Variants in TRPM4 observed in about 807,000 individuals in gnomAD.
TRPM4 encodes transient receptor potential cation channel subfamily M member 4.
A neutral mutation model predicts 135.6 loss-of-function variants in TRPM4; 124 were observed. That is an observed-to-expected ratio of 0.91 (90% CI 0.79 to 1.06). TRPM4 has a LOEUF of 1.06. Ranked by LOEUF, TRPM4 falls within the 50% of genes least tolerant of loss-of-function variation. The pLI is 0.00. For missense variants in TRPM4, 1,658 were observed against 1,671.4 expected, an observed-to-expected ratio of 0.99 and a Z score of 0.14; for synonymous variants, 745 against 705.6, an observed-to-expected ratio of 1.06 and a Z score of -0.88.
chr19:49,202,299 A>G (rs910912434), intron 20 of TRPM4, among the ~76,000 whole-genome samples, 158 bp downstream of exon 20: 4 of 152,138 alleles, frequency 2.6e-5, no homozygotes, highest in South Asian at 4.2e-4. Context: ...CCTGCTTGTA[A>G]TTTGGACTTT....
intron 4 of TRPM4, 74 bp downstream of exon 4, chr19:49,168,171 C>G: frequency 6.3e-7 from 1 of 1,586,706 alleles, no homozygotes. Flanking sequence ...TGTGGGTGGC[C>G]TCCCCCGCCG....
Position 49,171,951 on chromosome 19 carries a change from G to GC in TRPM4, c.1051-55dup. 1 of 1,466,200 alleles carries GC rather than the reference G, an allele frequency of 6.8e-7. No individual in the cohort carries two copies. Among genetic ancestry groups the GC allele is most frequent in the Non-Finnish European group, 9.6e-7 (1 of 1,045,582 alleles). 90.8% of individuals were successfully genotyped at this position (1,466,200 alleles called of 1,614,324 possible). ...GGCCTCCTCCATCCCTTTGGACAGG[G>GC]CCCAACAGGAGTTGGGGATGGAGGC... On this transcript the variant is annotated intron_variant, in intron 8 of 24. Transcript: ENST00000252826. This position sits in a 1 kb window ranked among gnomAD's most constrained non-coding sequence, Gnocchi z 4.7.
At chr19:49,197,308 T>TTCTCTTTCTTTC (rs1161813900) in intron 17 of TRPM4, among the ~76,000 whole-genome samples, 7 of 122,248 alleles carry the variant, frequency 5.7e-5, no homozygotes, top group East Asian at 4.7e-4. Flanking sequence ...CTTTCTTTCT[T>TTCTCTTTCTTTC]TTTCTTTCTT....
In TRPM4 at chr19:49,182,948, C is replaced by T. The variant is rs775148186; in HGVS notation, c.1608+26C>T. The T allele has an allele frequency of 3.2e-6, 5 of 1,570,428 alleles. No individual in the cohort carries two copies. In the African/African-American group the frequency reaches 6.7e-5, roughly 21 times the overall value. On this transcript the variant is annotated intron_variant, in intron 11 of 24. Transcript: ENST00000252826. The stretch of plus-strand genomic sequence containing the variant: ...GTAAGGACCGGGCAAAGCTGGGGGG[C>T]CCCCCCGCGCGGGAAGGACCTGGGG...
chr19:49,208,543 G>A (rs1021067208), intron 20 of TRPM4, among the ~76,000 whole-genome samples: 1 of 152,050 alleles, frequency 6.6e-6, no homozygotes, highest in African/African-American at 2.4e-5. Flanking sequence ...TGCCCCTTCA[G>A]CTCCTATCTC....
intron 16 of TRPM4, among the ~76,000 whole-genome samples, chr19:49,194,590 CCTTT>C (rs1452514932): frequency 2.6e-5 from 4 of 151,432 alleles, no homozygotes; most frequent in South Asian, 2.1e-4. Flanking sequence ...TTCCTTCCTT[CCTTT>C]CCTTTCCTTT....
chr19:49,160,745 A>T (rs191482928), intron 2 of TRPM4, among the ~76,000 whole-genome samples: 23 of 151,746 alleles, frequency 1.5e-4, no homozygotes, highest in African/African-American at 5.3e-4. Flanking sequence ...GTGTGGAAAA[A>T]CTTTCTGGGG....
At position 49,210,215 on chromosome 19, in the gene TRPM4, A is replaced by G; in HGVS notation, c.3138A>G (p.Thr1046=). 1.9e-6 allele frequency: 3 copies of G among 1,614,228 alleles called. No individual in the cohort carries two copies. Among genetic ancestry groups the G allele is most frequent in the South Asian group, 1.1e-5 (1 of 91,088 alleles). The change falls in exon 21 of 25, where the codon ACA becomes ACG. Residue 1046 remains threonine, a synonymous_variant. Coordinates refer to ENST00000252826, the MANE Select transcript of TRPM4 (RefSeq NM_017636.4). This position sits in a 1 kb window ranked among gnomAD's most constrained non-coding sequence, Gnocchi z 4.1. ...TGACCTCTGGCCTTTGCAGTTACACATTCGGCAAAGTACAGGGCAACAGCG... is the reference window on the plus strand; with the variant it reads ...TGACCTCTGGCCTTTGCAGTTACACGTTCGGCAAAGTACAGGGCAACAGCG... ...VNLLIAMFSY[T]FGKVQGNSDL...
chr19:49,207,908 T>G (rs1193730751), intron 20 of TRPM4, among the ~76,000 whole-genome samples: 2 of 151,478 alleles, frequency 1.3e-5, no homozygotes, highest in Non-Finnish European at 2.9e-5. Context: ...AGACCGACAG[T>G]GGCCCCTAAT....
chr19:49,182,810 G>C lies in TRPM4; in HGVS notation c.1496G>C (p.Arg499Pro). Residue 499 changes from arginine to proline, a missense_variant, in exon 11 of 25, where the codon CGG becomes CCG. Physicochemically the swap from Arg to Pro is moderately radical, Grantham distance 103. Transcript: ENST00000252826. ...CTAAAAGGGGGAGCTGCGGAGCTCC[G>C]GCCCCCTGACGTGGGGCATGTGCTG... ...PALKGGAAEL[R>P]PPDVGHVLRM... 6.2e-6 allele frequency: 10 copies of C among 1,612,842 alleles called. No individual in the cohort carries two copies. The highest frequency in any genetic ancestry group is 8.5e-6 in the Non-Finnish European group (10 of 1,179,312).
intron 16 of TRPM4, among the ~76,000 whole-genome samples, chr19:49,195,394 G>A (rs1253801566): frequency 1.3e-5 from 2 of 151,518 alleles, no homozygotes; most frequent in Non-Finnish European, 2.9e-5. Flanking sequence ...TTTTTGAGAC[G>A]GAGTTTTGCT....
intron 20 of TRPM4, among the ~76,000 whole-genome samples, chr19:49,205,443 C>CT (rs1036680536): frequency 2.0e-5 from 3 of 150,836 alleles, no homozygotes; most frequent in Non-Finnish European, 2.9e-5. Flanking sequence ...TGTGTAAACT[C>CT]TATTTCCGAA....
chr19:49,190,880 C>A, intron 16 of TRPM4, 107 bp downstream of exon 16: 1 of 950,982 alleles, frequency 1.1e-6, no homozygotes, highest in Non-Finnish European at 1.6e-6. Context: ...TACAAAGTTG[C>A]TAAACCTGAG....
intron 17 of TRPM4, among the ~76,000 whole-genome samples, chr19:49,198,814 G>T (rs148516009): frequency 6.6e-5 from 10 of 151,856 alleles, no homozygotes; most frequent in African/African-American, 2.4e-4. Context: ...GCCCAGGCTG[G>T]TCTCAAACTC....
chr19:49,192,669 C>T (rs1397448912), intron 16 of TRPM4, among the ~76,000 whole-genome samples: 1 of 151,862 alleles, frequency 6.6e-6, no homozygotes, highest in African/African-American at 2.4e-5. Context: ...CACATTGGGG[C>T]CTATTGGAGG....
At chr19:49,204,614 C>T (rs917048055) in intron 20 of TRPM4, among the ~76,000 whole-genome samples, 1 of 151,986 alleles carries the variant, frequency 6.6e-6, no homozygotes, top group African/African-American at 2.4e-5. Context: ...CCTGCAGCCT[C>T]AACCTCCTGG....
In TRPM4 at chr19:49,197,296, CTCTT is replaced by C. The variant is rs1197731434; in HGVS notation, c.2645+432_2645+435del. Among the ~76,000 whole-genome samples, 78 of 124,710 alleles carry C rather than the reference CTCTT, an allele frequency of 6.3e-4. 1 individual carries two copies. The highest frequency in any genetic ancestry group is 2.3e-3 in the African/African-American group (66 of 29,252). 81.8% of individuals were successfully genotyped at this position (124,710 alleles called of 152,430 possible). A position where few individuals can be genotyped will look rare whatever the true frequency, so the allele number is the denominator to read the frequency against. ...TTCCTTTTTTTTTCTTTCTTTCTTT[CTCTT>C]TCTTTCTTTTTCTTTCTTTCTTTCT... On this transcript the variant is annotated intron_variant, in intron 17 of 24. Transcript: ENST00000252826.
At position 49,157,910 on chromosome 19, in the gene TRPM4, C is replaced by T. The variant is rs2041543979; in HGVS notation, c.24+20C>T. ...GAGCAGGTGAGCGCCGGACCAGGGT[C>T]TGCGGGAGCGCGGAGCTGGGGACCT... On this transcript the variant is annotated intron_variant, in intron 1 of 24. Transcript: ENST00000252826. The T allele has an allele frequency of 1.3e-6, 2 of 1,535,192 alleles. No individual in the cohort carries two copies. The highest frequency in any genetic ancestry group is 2.7e-5 in the African/African-American group (2 of 72,994).
intron 12 of TRPM4, among the ~76,000 whole-genome samples, chr19:49,183,437 C>A (rs1968077204): frequency 6.6e-6 from 1 of 152,150 alleles, no homozygotes; most frequent in Non-Finnish European, 1.5e-5. Context: ...CGCTCTGTCG[C>A]CCAGGCTGCA....
Sources: allele counts gnomAD v4.1 joint callset (sites outside exome capture counted in the v4.1 genomes callset), GRCh38; gene constraint gnomAD v4.1.1; non-coding constraint Gnocchi (gnomAD v3.1); transcripts MANE v1.5; gene names NCBI Gene and HGNC (gene_info 2026-07-23, HGNC 2026-07-21).